TRUB1: variants seen among roughly 807,000 people sequenced by gnomAD.
TRUB1 encodes pseudouridylate synthase TRUB1.
A neutral mutation model predicts 33.9 loss-of-function variants in TRUB1; 23 were observed. The ratio of observed to expected loss-of-function variants is 0.68; its 90% confidence interval spans 0.49 to 0.96. The LOEUF (loss-of-function observed/expected upper bound fraction) is 0.96. Among genes scored for constraint, TRUB1 ranks in the 40% least tolerant of loss-of-function variants. The probability of loss-of-function intolerance (pLI) is 0.00; values close to 1 mark genes in which losing one functional copy is unlikely to be tolerated. For missense variants in TRUB1, 378 were observed against 422.2 expected (o/e 0.90, Z 0.92); for synonymous variants, 163 against 165.4 (o/e 0.99, Z 0.11).
intron 7 of TRUB1, 42 bp downstream of exon 7, chr10:114,974,427 A>T (rs1432283538): frequency 6.6e-7 from 1 of 1,524,074 alleles, no homozygotes; most frequent in Non-Finnish European, 9.1e-7. Flanking sequence ...TTAGAGAATA[A>T]TACTCCTTTT....
At chr10:114,971,429 G>C (rs2084336314) in intron 5 of TRUB1, among the ~76,000 whole-genome samples, 1 of 151,720 alleles carries the variant, frequency 6.6e-6, no homozygotes, top group South Asian at 2.1e-4. Context: ...TATTTATTTT[G>C]TATTTAAAAT....
chr10:114,956,118 C>T (rs1226049325), intron 3 of TRUB1, among the ~76,000 whole-genome samples: 1 of 152,174 alleles, frequency 6.6e-6, no homozygotes, highest in Non-Finnish European at 1.5e-5. Context: ...AGATGTCTAG[C>T]TAATACCTGC....
At chr10:114,938,871 C>G (rs75107763) in intron 1 of TRUB1, among the ~76,000 whole-genome samples, 1 of 152,146 alleles carries the variant, frequency 6.6e-6, no homozygotes, top group African/African-American at 2.4e-5. Flanking sequence ...GGATGAACCC[C>G]AAAAGGAAGT....
At chr10:114,957,162 A>T (rs929672425) in intron 3 of TRUB1, among the ~76,000 whole-genome samples, 1 of 152,242 alleles carries the variant, frequency 6.6e-6, no homozygotes, top group Non-Finnish European at 1.5e-5. Context: ...AACACAATAG[A>T]TGAGCAATGG....
chr10:114,965,639 A>G (rs2084304460), intron 4 of TRUB1, among the ~76,000 whole-genome samples: 1 of 151,678 alleles, frequency 6.6e-6, no homozygotes, highest in Non-Finnish European at 1.5e-5. Flanking sequence ...TCAGATTGGT[A>G]TTTTTTTCTA....
chr10:114,955,319 A>T (rs1032016063), intron 3 of TRUB1, among the ~76,000 whole-genome samples: 1 of 152,244 alleles, frequency 6.6e-6, no homozygotes, highest in Non-Finnish European at 1.5e-5. Context: ...AGGAACAGAC[A>T]GAAGGAACAG....
Position 114,970,397 on chromosome 10 carries a change from A to G in TRUB1, c.553A>G (p.Ile185Val). The stretch of plus-strand genomic sequence containing the variant: ...AATAACACAAGAAGATATTGAAGGC[A>G]TTCTACAGAAATTTACTGGAAATAT... Reference protein sequence around the residue: ...DKITQEDIEGILQKFTGNIMQ... With the variant: ...DKITQEDIEGVLQKFTGNIMQ... The change falls in exon 5 of 8, where the codon ATT becomes GTT. Residue 185 changes from isoleucine to valine, a missense_variant. By Grantham distance (29) the Ile-to-Val change is conservative. Transcript: ENST00000298746. 6.2e-7 allele frequency: 1 copy of G among 1,612,616 alleles called. No individual in the cohort carries two copies. The highest frequency in any genetic ancestry group is 8.5e-7 in the Non-Finnish European group (1 of 1,179,004).
rs568195429 is a variant in TRUB1, at chr10:114,947,201, C to T, written c.386-3893C>T. ...GAGGCAAAAAAAAAAAGGTCCTCTACGGAGGCTCTAGTGAAGGATTCTCCC... is the reference window on the plus strand; with the variant it reads ...GAGGCAAAAAAAAAAAGGTCCTCTATGGAGGCTCTAGTGAAGGATTCTCCC... On this transcript the variant is annotated intron_variant, in intron 2 of 7. Transcript: ENST00000298746. Among the ~76,000 whole-genome samples the T allele has an allele frequency of 3.3e-5, 5 of 151,994 alleles. No individual in the cohort carries two copies. In the East Asian group the frequency reaches 5.8e-4, roughly 18 times the overall value.
At chr10:114,972,371 GA>G in intron 6 of TRUB1, 97 bp downstream of exon 6, 1 of 1,354,816 alleles carries the variant, frequency 7.4e-7, no homozygotes, top group Non-Finnish European at 1.0e-6. Context: ...TAGGATGTTG[GA>G]GATTTTTTAA....
chr10:114,949,583 G>A (rs950035089), intron 2 of TRUB1, among the ~76,000 whole-genome samples: 1 of 152,172 alleles, frequency 6.6e-6, no homozygotes, highest in African/African-American at 2.4e-5. Context: ...ACCCTACTAA[G>A]GATTGTTTGG....
intron 2 of TRUB1, among the ~76,000 whole-genome samples, chr10:114,945,092 G>A (rs2084205943): frequency 6.6e-6 from 1 of 152,182 alleles, no homozygotes. Flanking sequence ...TATAAGAGAG[G>A]TTATTACTAT....
chr10:114,972,216 G>A lies in TRUB1; in HGVS notation c.678G>A (p.Arg226=). 1 of 1,613,620 alleles carries A rather than the reference G, an allele frequency of 6.2e-7. No individual in the cohort carries two copies. Among genetic ancestry groups the A allele is most frequent in the Non-Finnish European group, 8.5e-7 (1 of 1,179,790 alleles). ...AAGTCGTAGAAGCAAAACCTGCCAG[G>A]CCAGTGACTGTATACAGTATCTCCC... ...RGEVVEAKPA[R]PVTVYSISLQ... Residue 226 remains arginine (R), a synonymous_variant, in exon 6 of 8, where the codon AGG becomes AGA. Coordinates refer to ENST00000298746, the MANE Select transcript of TRUB1 (RefSeq NM_139169.5).
rs775559079 is a variant in TRUB1 at position 114,951,089 on chromosome 10, T to C, written c.386-5T>C. The stretch of plus-strand genomic sequence containing the variant: ...TGTCATAATATTTCTTTCTTTGATT[T>C]GTAGTTGTTGGAATTGGAAGCGGAA... On this transcript the variant is annotated splice_region_variant and splice_polypyrimidine_tract_variant and intron_variant, in intron 2 of 7. Transcript: ENST00000298746. 6 of 1,611,408 alleles carry C rather than the reference T, an allele frequency of 3.7e-6. No individual in the cohort carries two copies. The East Asian group carries it at 1.3e-4, about 36-fold the overall frequency.
intron 4 of TRUB1, among the ~76,000 whole-genome samples, chr10:114,963,075 G>C (rs12764662): frequency 6.6e-6 from 1 of 152,090 alleles, no homozygotes; most frequent in African/African-American, 2.4e-5. Flanking sequence ...TCCCAGGCTA[G>C]ATGTGGACCA....
intron 4 of TRUB1, among the ~76,000 whole-genome samples, chr10:114,966,847 A>G (rs1231478809): frequency 3.9e-5 from 6 of 152,268 alleles, no homozygotes; most frequent in Admixed American, 2.0e-4. Flanking sequence ...TGTGTTTTGC[A>G]TAGATTTTAT....
At chr10:114,974,828 C>T (rs1010001995) in intron 7 of TRUB1, among the ~76,000 whole-genome samples, 4 of 152,110 alleles carry the variant, frequency 2.6e-5, no homozygotes, top group African/African-American at 9.7e-5. Flanking sequence ...CATATGATCT[C>T]ATCTGTAAAG....
chr10:114,963,075 G>T (rs12764662), intron 4 of TRUB1, among the ~76,000 whole-genome samples: 35,092 of 152,150 alleles, frequency 0.23, 4,528 homozygotes, highest in Non-Finnish European at 0.31. Context: ...TCCCAGGCTA[G>T]ATGTGGACCA....
intron 1 of TRUB1, among the ~76,000 whole-genome samples, chr10:114,940,942 G>GTGT (rs754053560): frequency 2.0e-5 from 3 of 152,182 alleles, no homozygotes; most frequent in Non-Finnish European, 4.4e-5. Flanking sequence ...TGACGCCAGG[G>GTGT]TGTTCCAGAG....
At chr10:114,948,056 C>T (rs1402820504) in intron 2 of TRUB1, among the ~76,000 whole-genome samples, 1 of 152,162 alleles carries the variant, frequency 6.6e-6, no homozygotes, top group African/African-American at 2.4e-5. Context: ...GATACTAGGA[C>T]ATTGGATAAG....
Sources: allele counts gnomAD v4.1 joint callset (sites outside exome capture counted in the v4.1 genomes callset), GRCh38; gene constraint gnomAD v4.1.1; transcripts MANE v1.5; gene names NCBI Gene and HGNC (gene_info 2026-07-23, HGNC 2026-07-21).